The following KCNC1 variants were observed in gnomAD, a reference collection of about 807,000 sequenced individuals.
KCNC1 encodes potassium voltage-gated channel subfamily C member 1, also known as voltage-gated potassium channel KCNC1.
In KCNC1, 8 loss-of-function variants were observed where a neutral mutation model predicts 43.4. The ratio of observed to expected loss-of-function variants is 0.18; its 90% CI spans 0.11 to 0.33. The LOEUF (loss-of-function observed/expected upper bound fraction) is 0.33. Ranked by LOEUF, KCNC1 falls within the 10% of genes least tolerant of loss-of-function variation. The pLI, the probability that KCNC1 is intolerant of heterozygous loss-of-function variation, is 1.00. For missense variants in KCNC1, 420 were observed against 836.0 expected (o/e 0.50, Z 6.14); for synonymous variants, 361 against 360.5 (o/e 1.00, Z -0.01).
chr11:17,753,239 C>G (rs1848988442), intron 1 of KCNC1, among the ~76,000 whole-genome samples: 1 of 152,234 alleles, frequency 6.6e-6, no homozygotes, highest in Non-Finnish European at 1.5e-5. Flanking sequence ...TTGTCCCATG[C>G]CAGTCAGTAG....
Position 17,779,610 on chromosome 11 carries a change from G to C in KCNC1, c.1659G>C (p.Glu553Asp). The C allele has an allele frequency of 6.4e-7, 1 of 1,550,490 alleles. No homozygotes were observed. The highest frequency in any genetic ancestry group is 1.2e-5 in the South Asian group (1 of 83,936). Reference sequence around the variant, plus strand: ...CCTGCTTCCTCTTATCAACCGGGGAGTACGCGTGCCCACCTGGTGGAGGAA... The same window carrying C: ...CCTGCTTCCTCTTATCAACCGGGGACTACGCGTGCCCACCTGGTGGAGGAA... The part of the protein sequence containing the change: ...YGPCFLLSTG[E>D]YACPPGGGMR... Residue 553 changes from glutamate to aspartate, a missense_variant, in exon 3 of 4, where the codon GAG (glutamate) becomes GAC (aspartate). Physicochemically the swap from Glu to Asp is conservative, Grantham distance 45. Coordinates refer to ENST00000265969, the MANE Select transcript of KCNC1 (RefSeq NM_001112741.2). This position sits in a 1 kb window ranked among gnomAD's most constrained non-coding sequence, Gnocchi z 7.2.
chr11:17,769,505 G>A (rs1377451001), intron 1 of KCNC1, among the ~76,000 whole-genome samples: 1 of 151,928 alleles, frequency 6.6e-6, no homozygotes, highest in East Asian at 1.9e-4. Context: ...TGGCAGGGAA[G>A]GAGAAAGGAA....
At chr11:17,774,132 C>T (rs1203172373) in intron 2 of KCNC1, 2 of 985,492 alleles carry the variant, frequency 2.0e-6, no homozygotes, top group East Asian at 1.1e-4. Context: ...CATACCCTTC[C>T]CTTCCTGGGA....
Position 17,736,959 on chromosome 11 carries a change from A to G in KCNC1, c.570+387A>G, listed in dbSNP as rs945397461. Among the ~76,000 whole-genome samples the G allele has an allele frequency of 2.6e-5, 4 of 152,190 alleles. No individual in the cohort carries two copies. Among genetic ancestry groups the G allele is most frequent in the Non-Finnish European group, 4.4e-5 (3 of 68,042 alleles). On this transcript the variant is annotated intron_variant, in intron 1 of 3. Transcript: ENST00000265969. This position sits in a 1 kb window ranked among gnomAD's most constrained non-coding sequence, Gnocchi z 9.3. ...TGCCCGTGAACATTTGTGTCTTTGCAGAGGTGCACTGTCAAAGTATGGACT... is the reference window on the plus strand; with the variant it reads ...TGCCCGTGAACATTTGTGTCTTTGCGGAGGTGCACTGTCAAAGTATGGACT...
chr11:17,737,687 C>T (rs760793204), intron 1 of KCNC1, among the ~76,000 whole-genome samples: 26 of 152,106 alleles, frequency 1.7e-4, no homozygotes, highest in Non-Finnish European at 3.7e-4. Flanking sequence ...AAAGAGAGAC[C>T]CTAAGGCCTG....
chr11:17,759,301 G>A (rs1457489772), intron 1 of KCNC1, among the ~76,000 whole-genome samples: 2 of 152,202 alleles, frequency 1.3e-5, no homozygotes, highest in Non-Finnish European at 2.9e-5. Flanking sequence ...ATTAGGCTTT[G>A]GCTTAAGGGA....
chr11:17,743,405 A>G (rs150381189), intron 1 of KCNC1, among the ~76,000 whole-genome samples: 125 of 152,238 alleles, frequency 8.2e-4, no homozygotes, highest in Non-Finnish European at 1.6e-3. Flanking sequence ...CTCTTTCCCA[A>G]CAACCTGTCC....
chr11:17,779,950 G>A lies in KCNC1; in HGVS notation c.1693+306G>A, dbSNP rs1565165076. ...AGGGGTACCCAGGAATGCAGGAGGA[G>A]CCTTGACTCCCCCAGGCTGCTCTTG... On this transcript the variant is annotated intron_variant, in intron 3 of 3. Coordinates refer to ENST00000265969, the MANE Select transcript of KCNC1 (RefSeq NM_001112741.2). This position sits in a 1 kb window ranked among gnomAD's most constrained non-coding sequence, Gnocchi z 7.2. 1 of 247,846 alleles carries A rather than the reference G, an allele frequency of 4.0e-6. No homozygotes were observed. The highest frequency in any genetic ancestry group is 5.3e-5 in the Admixed American group (1 of 18,846). The allele number at this position is 247,846 out of a possible 1,614,324, so 15.4% of individuals were successfully genotyped here.
At position 17,779,760 on chromosome 11, in the gene KCNC1, G is replaced by C. The variant is rs563967226; in HGVS notation, c.1693+116G>C. On this transcript the variant is annotated intron_variant, in intron 3 of 3. Coordinates refer to ENST00000265969, the MANE Select transcript of KCNC1 (RefSeq NM_001112741.2). This position sits in a 1 kb window ranked among gnomAD's most constrained non-coding sequence, Gnocchi z 7.2. Reference sequence around the variant, plus strand: ...GGGGCAGGCAGGCACACCGAGGGGGGCAAGGATGGAGGGAATCTCCCAGGG... The same window carrying C: ...GGGGCAGGCAGGCACACCGAGGGGGCCAAGGATGGAGGGAATCTCCCAGGG... The C allele has an allele frequency of 3.6e-6, 3 of 829,318 alleles. No individual in the cohort carries two copies. The highest frequency in any genetic ancestry group is 3.5e-5 in the African/African-American group (2 of 56,692). The allele number at this position is 829,318 out of a possible 1,614,324, so 51.4% of individuals were successfully genotyped here.
Position 17,739,701 on chromosome 11 carries a change from G to GTA in KCNC1, c.570+3130_570+3131dup, listed in dbSNP as rs1491162747. The stretch of plus-strand genomic sequence containing the variant: ...TGTGTGTGTGTGTGTGTGTGTGTGT[G>GTA]TACATGCGTGTACACATAAGGCAGG... On this transcript the variant is annotated intron_variant, in intron 1 of 3. Transcript: ENST00000265969. This position sits in a 1 kb window ranked among gnomAD's most constrained non-coding sequence, Gnocchi z 4.2. 6.8e-6 allele frequency among the ~76,000 whole-genome samples: 1 copy of GTA among 146,286 alleles called. No individual in the cohort carries two copies. Among genetic ancestry groups the GTA allele is most frequent in the Non-Finnish European group, 1.5e-5 (1 of 66,666 alleles).
chr11:17,770,677 C>T (rs1849215484), intron 1 of KCNC1, among the ~76,000 whole-genome samples: 1 of 152,186 alleles, frequency 6.6e-6, no homozygotes, highest in African/African-American at 2.4e-5. Flanking sequence ...GCTGGGGGCT[C>T]AGGGCCAGAG....
intron 1 of KCNC1, among the ~76,000 whole-genome samples, chr11:17,766,882 G>A (rs1480130109): frequency 1.3e-5 from 2 of 151,420 alleles, no homozygotes; most frequent in Admixed American, 1.3e-4. Flanking sequence ...ACACTTGGGA[G>A]GCCGAGTCTG....
intron 1 of KCNC1, among the ~76,000 whole-genome samples, chr11:17,740,246 G>A (rs913363906): frequency 6.6e-6 from 1 of 152,176 alleles, no homozygotes; most frequent in Non-Finnish European, 1.5e-5. Flanking sequence ...GGATGAGCTG[G>A]GACAGGATGA....
chr11:17,771,985 C>G lies in KCNC1; in HGVS notation c.891C>G (p.Gly297=), dbSNP rs1045267894. ...TCTACCTGGAGGTGGGGCTGAGCGG[C>G]CTGTCCTCCAAGGCAGCCAAGGACG... ...LPFYLEVGLS[G]LSSKAAKDVL... Residue 297 remains glycine (G), a synonymous_variant, in exon 2 of 4, where the codon GGC becomes GGG. Coordinates refer to ENST00000265969, the MANE Select transcript of KCNC1 (RefSeq NM_001112741.2). This position sits in a 1 kb window ranked among gnomAD's most constrained non-coding sequence, Gnocchi z 4.7. 5 of 1,614,036 alleles carry G rather than the reference C, an allele frequency of 3.1e-6. No individual in the cohort carries two copies. The highest frequency in any genetic ancestry group is 4.2e-6 in the Non-Finnish European group (5 of 1,180,040).
chr11:17,759,946 T>A (rs1267233725), intron 1 of KCNC1, among the ~76,000 whole-genome samples: 1 of 152,024 alleles, frequency 6.6e-6, no homozygotes, highest in Non-Finnish European at 1.5e-5. Context: ...AATTGCAATA[T>A]CTGTGAAATG....
chr11:17,772,239 C>T lies in KCNC1; in HGVS notation c.1145C>T (p.Thr382Met). ...AATGACCCCAGCGCCAGTGAGCACA[C>T]GCACTTTAAGAACATCCCCATCGGC... ...QPNDPSASEH[T>M]HFKNIPIGFW... The change falls in exon 2 of 4, where the codon ACG (threonine) becomes ATG (methionine). Residue 382 changes from threonine to methionine, a missense_variant. Thr to Met is a moderately conservative substitution (Grantham distance 81, BLOSUM62 -1). Around this residue, in one of 5 missense-constraint regions of KCNC1, gnomAD observed 58 missense variants for 256.9 expected, o/e 0.23. Coordinates refer to ENST00000265969, the MANE Select transcript of KCNC1 (RefSeq NM_001112741.2). 6.2e-7 allele frequency: 1 copy of T among 1,614,116 alleles called. No homozygotes were observed. The highest frequency in any genetic ancestry group is 8.5e-7 in the Non-Finnish European group (1 of 1,180,032).
chr11:17,779,621 C>T lies in KCNC1; in HGVS notation c.1670C>T (p.Pro557Leu), dbSNP rs1064795663. The change falls in exon 3 of 4, where the codon CCA becomes CTA. Residue 557 changes from proline to leucine, a missense_variant. By Grantham distance (98) the Pro-to-Leu change is moderately conservative. Transcript: ENST00000265969. The surrounding 1 kb of genome is among the most constrained non-coding windows in gnomAD (Gnocchi z 7.2). The part of the protein sequence containing the change: ...FLLSTGEYAC[P>L]PGGGMRKDLC... ...TTATCAACCGGGGAGTACGCGTGCC[C>T]ACCTGGTGGAGGAATGAGAAAGGGT... The T allele has an allele frequency of 7.7e-6, 12 of 1,548,646 alleles. No homozygotes were observed. In the Admixed American group the frequency reaches 2.2e-4, roughly 28 times the overall value.
At chr11:17,738,082 G>A (rs2133776049) in intron 1 of KCNC1, among the ~76,000 whole-genome samples, 1 of 152,262 alleles carries the variant, frequency 6.6e-6, no homozygotes, top group South Asian at 2.1e-4. Flanking sequence ...GGAGGCAATA[G>A]GGAGAGAGCC....
In KCNC1 at chr11:17,779,719, C is replaced by T. The variant is rs758853624; in HGVS notation, c.1693+75C>T. 3.8e-4 allele frequency: 470 copies of T among 1,225,304 alleles called. No individual in the cohort carries two copies. The highest frequency in any genetic ancestry group is 4.6e-4 in the Non-Finnish European group (429 of 926,326). 75.9% of individuals were successfully genotyped at this position (1,225,304 alleles called of 1,614,324 possible). Reference sequence around the variant, plus strand: ...TCCTGCAGATGGGTGGGCAGGGCGGCGGGCAAGGGCGCTGAGGGGCAGGCA... The same window carrying T: ...TCCTGCAGATGGGTGGGCAGGGCGGTGGGCAAGGGCGCTGAGGGGCAGGCA... On this transcript the variant is annotated intron_variant, in intron 3 of 3. Coordinates refer to ENST00000265969, the MANE Select transcript of KCNC1 (RefSeq NM_001112741.2). The surrounding 1 kb of genome is among the most constrained non-coding windows in gnomAD (Gnocchi z 7.2).
Sources: gnomAD v4.1 joint callset for allele counts (sites outside exome capture counted in the v4.1 genomes callset) on GRCh38, gnomAD v4.1.1 for gene constraint, gnomAD v4.1.1 regional missense constraint, Gnocchi (gnomAD v3.1) non-coding constraint, MANE v1.5 for transcripts, NCBI Gene and HGNC (gene_info 2026-07-23, HGNC 2026-07-21) for gene names.